DLGAP1: variants seen among roughly 807,000 people sequenced by gnomAD.
DLGAP1 encodes DLG associated protein 1, also known as disks large-associated protein 1.
In DLGAP1, 11 loss-of-function variants were observed where a neutral mutation model predicts 90.8. The observed-to-expected ratio is 0.12, with a 90% CI of 0.08 to 0.20. The LOEUF is 0.20. Among genes scored for constraint, DLGAP1 ranks in the 10% least tolerant of loss-of-function variants. The pLI is 1.00. For synonymous variants in DLGAP1, 558 were observed against 540.7 expected (o/e 1.03, Z -0.44); for missense variants, 1,050 against 1,333.8 (o/e 0.79, Z 3.31).
chr18:3,614,526 G>C (rs1398761930), intron 7 of DLGAP1, among the ~76,000 whole-genome samples: 1 of 152,004 alleles, frequency 6.6e-6, no homozygotes, highest in African/African-American at 2.4e-5. Context: ...GTATCAAAAA[G>C]AAACTATTCT....
At chr18:4,276,204 A>G (rs2079410075) in intron 1 of DLGAP1, among the ~76,000 whole-genome samples, 2 of 149,964 alleles carry the variant, frequency 1.3e-5, no homozygotes, top group Non-Finnish European at 3.0e-5. Context: ...GGCAGGAGAC[A>G]GGGGGAGGCA....
intron 7 of DLGAP1, among the ~76,000 whole-genome samples, chr18:3,710,702 CAGTA>C (rs1182943698): frequency 2.6e-5 from 4 of 152,152 alleles, no homozygotes; most frequent in Non-Finnish European, 4.4e-5. Flanking sequence ...TTTCATGTGG[CAGTA>C]AGTGTCATGA....
chr18:4,296,271 A>G lies in DLGAP1; in HGVS notation c.-266-144984T>C, dbSNP rs141852223. Among the ~76,000 whole-genome samples, 159 of 102,934 alleles carry G rather than the reference A, an allele frequency of 1.5e-3. 3 individuals carry two copies. Among genetic ancestry groups the G allele is most frequent in the African/African-American group, 3.9e-3 (142 of 36,098 alleles). The allele number at this position is 102,934 out of a possible 152,430, so 67.5% of individuals were successfully genotyped here. On this transcript the variant is annotated intron_variant, in intron 1 of 12. Coordinates refer to ENST00000315677, the MANE Select transcript of DLGAP1 (RefSeq NM_004746.4). ...GACCGAGACTGTGTAACTCACCTTTATAACTCTCACAGCCTAAAGCTGATG... is the reference window on the plus strand; with the variant it reads ...GACCGAGACTGTGTAACTCACCTTTGTAACTCTCACAGCCTAAAGCTGATG...
At chr18:4,316,546 C>A (rs2080532461) in intron 1 of DLGAP1, among the ~76,000 whole-genome samples, 1 of 152,118 alleles carries the variant, frequency 6.6e-6, no homozygotes, top group East Asian at 1.9e-4. Context: ...TCCACGTGTG[C>A]CCTGGAGAGA....
At chr18:3,785,378 A>G (rs2065399859) in intron 5 of DLGAP1, among the ~76,000 whole-genome samples, 1 of 152,198 alleles carries the variant, frequency 6.6e-6, no homozygotes, top group Non-Finnish European at 1.5e-5. Flanking sequence ...AGGTTCACTG[A>G]AAAACTGGCT....
Position 4,432,395 on chromosome 18 carries a change from GT to G in DLGAP1, c.-267+22610del, listed in dbSNP as rs542945414. Reference sequence around the variant, plus strand: ...CTGGCAGTATCTGATATTTGTTAATGTTTTCCCCACCTCTGATATTAAATTT... The same window carrying G: ...CTGGCAGTATCTGATATTTGTTAATGTTTCCCCACCTCTGATATTAAATTT... On this transcript the variant is annotated intron_variant, in intron 1 of 12. Transcript: ENST00000315677. 2.9e-3 allele frequency among the ~76,000 whole-genome samples: 441 copies of G among 152,048 alleles called. 2 individuals are homozygous for G. The highest frequency in any genetic ancestry group is 0.01 in the African/African-American group (422 of 41,482).
chr18:3,842,735 G>T (rs1367555776), intron 4 of DLGAP1, among the ~76,000 whole-genome samples: 1 of 152,048 alleles, frequency 6.6e-6, no homozygotes, highest in Non-Finnish European at 1.5e-5. Flanking sequence ...CATTTACAGG[G>T]GTAGGAAACA....
chr18:4,152,806 C>T (rs968211641), intron 1 of DLGAP1, among the ~76,000 whole-genome samples: 3 of 152,068 alleles, frequency 2.0e-5, no homozygotes, highest in Non-Finnish European at 4.4e-5. Context: ...GATTATGAGC[C>T]CTGATTTATA....
Position 3,879,066 on chromosome 18 carries a change from A to G in DLGAP1, c.957+46T>C. 1.4e-6 allele frequency: 2 copies of G among 1,414,858 alleles called. No individual in the cohort carries two copies. The highest frequency in any genetic ancestry group is 1.9e-6 in the Non-Finnish European group (2 of 1,070,356). 87.6% of individuals were successfully genotyped at this position (1,414,858 alleles called of 1,614,324 possible). A position where few individuals can be genotyped will look rare whatever the true frequency, so the allele number is the denominator to read the frequency against. On this transcript the variant is annotated intron_variant, in intron 4 of 12. Coordinates refer to ENST00000315677, the MANE Select transcript of DLGAP1 (RefSeq NM_004746.4). This position sits in a 1 kb window ranked among gnomAD's most constrained non-coding sequence, Gnocchi z 6.6. The stretch of plus-strand genomic sequence containing the variant: ...AACCAGGAGAAATGCCCACACAAGC[A>G]TGCCAGGTACTACTTCTAAGCCTCC...
intron 1 of DLGAP1, among the ~76,000 whole-genome samples, chr18:4,165,711 G>C (rs2076921610): frequency 6.6e-6 from 1 of 152,192 alleles, no homozygotes; most frequent in South Asian, 2.1e-4. Context: ...AAGGTAAAAT[G>C]CTGGTACCAG....
chr18:4,382,413 T>A (rs949156382), intron 1 of DLGAP1, among the ~76,000 whole-genome samples: 6 of 151,994 alleles, frequency 3.9e-5, no homozygotes, highest in African/African-American at 1.4e-4. Context: ...TATTTTGAAA[T>A]TTTTTCTCTA....
chr18:4,369,906 G>C (rs1409451524), intron 1 of DLGAP1, among the ~76,000 whole-genome samples: 1 of 151,930 alleles, frequency 6.6e-6, no homozygotes, highest in African/African-American at 2.4e-5. Context: ...ACACACAAAG[G>C]GCCAGGAAGG....
intron 1 of DLGAP1, chr18:4,248,788 C>T (rs1598723692): frequency 6.6e-6 from 1 of 152,336 alleles, no homozygotes; most frequent in African/African-American, 2.4e-5. Flanking sequence ...AAAAACCTAC[C>T]GAATGGCTTC....
intron 7 of DLGAP1, among the ~76,000 whole-genome samples, chr18:3,702,595 G>A (rs1444886754): frequency 6.6e-6 from 1 of 152,146 alleles, no homozygotes; most frequent in Non-Finnish European, 1.5e-5. Context: ...ACAGGGGAGC[G>A]AGGCAGGCTA....
intron 3 of DLGAP1, among the ~76,000 whole-genome samples, chr18:3,969,910 A>T (rs2073409549): frequency 6.6e-6 from 1 of 152,206 alleles, no homozygotes. Flanking sequence ...CTTCTGATAA[A>T]GGGCCTTCTT....
At chr18:4,127,446 G>A (rs747997971) in intron 2 of DLGAP1, among the ~76,000 whole-genome samples, 7 of 152,102 alleles carry the variant, frequency 4.6e-5, no homozygotes, top group Admixed American at 4.6e-4. Flanking sequence ...AAAGAGAGAA[G>A]AGAAAAGAAA....
intron 1 of DLGAP1, among the ~76,000 whole-genome samples, chr18:4,269,350 A>ATTTTTTT: frequency 7.9e-6 from 1 of 127,100 alleles, no homozygotes; most frequent in Non-Finnish European, 1.6e-5. Flanking sequence ...ATATATATAT[A>ATTTTTTT]TATATTTTTT....
At chr18:4,132,703 A>C (rs2076335530) in intron 2 of DLGAP1, among the ~76,000 whole-genome samples, 1 of 152,172 alleles carries the variant, frequency 6.6e-6, no homozygotes. Flanking sequence ...TCCCACTTAA[A>C]ATTCTACTCT....
chr18:3,639,679 A>G (rs1208927749), intron 7 of DLGAP1, among the ~76,000 whole-genome samples: 1 of 151,526 alleles, frequency 6.6e-6, no homozygotes, highest in East Asian at 1.9e-4. Flanking sequence ...TCTGATGCAG[A>G]TGATGATGAA....
Sources: gnomAD v4.1 joint callset for allele counts (sites outside exome capture counted in the v4.1 genomes callset) on GRCh38, gnomAD v4.1.1 for gene constraint, Gnocchi (gnomAD v3.1) non-coding constraint, MANE v1.5 for transcripts, NCBI Gene and HGNC (gene_info 2026-07-23, HGNC 2026-07-21) for gene names.